The following SLC25A26 variants were observed in gnomAD, a reference collection of about 807,000 sequenced individuals.
SLC25A26 encodes the protein solute carrier family 25 member 26.
In SLC25A26, 36 loss-of-function variants were observed where a neutral mutation model predicts 37.8. That is an observed-to-expected ratio of 0.95 (90% CI 0.73 to 1.26). The LOEUF (loss-of-function observed/expected upper bound fraction) is 1.26. Ranked by LOEUF, SLC25A26 falls within the 50% of genes most tolerant of loss-of-function variation. The pLI is 0.00. For missense variants in SLC25A26, 390 were observed against 331.1 expected (o/e 1.18, Z -1.38); for synonymous variants, 129 against 122.5 (o/e 1.05, Z -0.35).
At chr3:66,155,825 A>C (rs1370197447) in intron 1 of SLC25A26, among the ~76,000 whole-genome samples, 1 of 151,890 alleles carries the variant, frequency 6.6e-6, no homozygotes, top group African/African-American at 2.4e-5. Flanking sequence ...ATCTCCTCAC[A>C]TCCTCTCTGC....
intron 5 of SLC25A26, among the ~76,000 whole-genome samples, chr3:66,265,961 T>C (rs1200183314): frequency 6.6e-6 from 1 of 152,238 alleles, no homozygotes; most frequent in Non-Finnish European, 1.5e-5. Context: ...CGGAGAATAC[T>C]GGTTTTACAT....
At chr3:66,152,668 C>G (rs1161093732) in intron 1 of SLC25A26, among the ~76,000 whole-genome samples, 2 of 147,478 alleles carry the variant, frequency 1.4e-5, no homozygotes, top group East Asian at 4.2e-4. Flanking sequence ...TACAATTTGA[C>G]TAACTTAGGT....
At chr3:66,267,155 A>G (rs151014805) in intron 5 of SLC25A26, among the ~76,000 whole-genome samples, 14 of 152,342 alleles carry the variant, frequency 9.2e-5, no homozygotes, top group Non-Finnish European at 1.6e-4. Flanking sequence ...TGATAAGTAT[A>G]TACAAGATGC....
intron 9 of SLC25A26, chr3:66,371,213 CAGGGATTTTCT>C: frequency 1.3e-6 from 2 of 1,519,342 alleles, no homozygotes; most frequent in African/African-American, 2.8e-5. Flanking sequence ...GACCATATAC[CAGGGATTTTCT>C]TGCAAGAGCA....
intron 1 of SLC25A26, among the ~76,000 whole-genome samples, chr3:66,232,576 AAAC>A (rs1177731103): frequency 2.6e-5 from 4 of 152,232 alleles, no homozygotes; most frequent in East Asian, 1.9e-4. Flanking sequence ...CAGTGCTTGG[AAAC>A]AACAAGATCT....
intron 1 of SLC25A26, among the ~76,000 whole-genome samples, chr3:66,182,741 A>G (rs1164342706): frequency 6.6e-6 from 1 of 150,630 alleles, no homozygotes; most frequent in African/African-American, 2.4e-5. Context: ...GGGTATCAGT[A>G]GAAAAGACCA....
intron 5 of SLC25A26, among the ~76,000 whole-genome samples, chr3:66,282,818 A>C (rs2074390361): frequency 1.3e-5 from 2 of 152,046 alleles, no homozygotes; most frequent in Admixed American, 1.3e-4. Context: ...CATCACCCCA[A>C]AGTCCCTTCT....
chr3:66,198,582 C>G (rs1318302172), intron 1 of SLC25A26, among the ~76,000 whole-genome samples: 2 of 151,814 alleles, frequency 1.3e-5, no homozygotes, highest in Non-Finnish European at 2.9e-5. Flanking sequence ...CACCCACACC[C>G]TCTACATTAC....
chr3:66,191,482 C>T (rs968511223), intron 1 of SLC25A26, among the ~76,000 whole-genome samples: 3,645 of 152,236 alleles, frequency 0.024, 70 homozygotes, highest in East Asian at 0.068. Context: ...CTTATTGTTT[C>T]CTGCAGTAAA....
chr3:66,290,947 G>C (rs952330683), intron 5 of SLC25A26, among the ~76,000 whole-genome samples: 6 of 152,020 alleles, frequency 3.9e-5, no homozygotes, highest in Admixed American at 3.9e-4. Context: ...CTGGTACTGG[G>C]CCTTTTTTGG....
chr3:66,348,814 A>G (rs538879793), intron 6 of SLC25A26, among the ~76,000 whole-genome samples: 31 of 152,128 alleles, frequency 2.0e-4, no homozygotes, highest in South Asian at 2.1e-4. Context: ...ACTGTTTCCT[A>G]TGTGGTGCGT....
intron 6 of SLC25A26, chr3:66,355,983 T>G (rs1184909264): frequency 2.2e-6 from 1 of 455,234 alleles, no homozygotes; most frequent in East Asian, 6.9e-5. Flanking sequence ...ACATACTTAT[T>G]TTACTACATG....
chr3:66,304,384 C>T, intron 5 of SLC25A26: 1 of 454,912 alleles, frequency 2.2e-6, no homozygotes, highest in Non-Finnish European at 4.4e-6. Flanking sequence ...CTAATATCTT[C>T]CCTTTTCTGT....
rs1305602548 is a variant in SLC25A26 at position 66,377,740 on chromosome 3, T to G, written c.758T>G (p.Phe253Cys). 1.9e-6 allele frequency: 3 copies of G among 1,613,824 alleles called. No individual in the cohort carries two copies. Among genetic ancestry groups the G allele is most frequent in the Non-Finnish European group, 2.5e-6 (3 of 1,179,884 alleles). Reference sequence around the variant, plus strand: ...ATGGCAGCCATCAGTCTGGGAGGTTTCATCTTTCTGGGGGCTTATGACCGA... The same window carrying G: ...ATGGCAGCCATCAGTCTGGGAGGTTGCATCTTTCTGGGGGCTTATGACCGA... ...PRMAAISLGG[F>C]IFLGAYDRTH... The change falls in exon 10 of 10, where the codon TTC (phenylalanine) becomes TGC (cysteine). Residue 253 changes from phenylalanine to cysteine, a missense_variant. Phe to Cys is a radical substitution (Grantham distance 205, BLOSUM62 -2). Coordinates refer to ENST00000354883, the MANE Select transcript of SLC25A26 (RefSeq NM_001379210.1).
chr3:66,331,104 T>C (rs2075963767), intron 5 of SLC25A26, among the ~76,000 whole-genome samples: 1 of 152,168 alleles, frequency 6.6e-6, no homozygotes, highest in African/African-American at 2.4e-5. Context: ...TTTATATCTA[T>C]ATATAACTCT....
chr3:66,377,909 G>T lies in SLC25A26; in HGVS notation c.*102G>T. 1 of 872,264 alleles carries T rather than the reference G, an allele frequency of 1.1e-6. No homozygotes were observed. The highest frequency in any genetic ancestry group is 1.5e-5 in the South Asian group (1 of 67,194). The allele number at this position is 872,264 out of a possible 1,614,324, so 54.0% of individuals were successfully genotyped here. On this transcript the variant is annotated 3_prime_UTR_variant, in exon 10 of 10. Transcript: ENST00000354883. ...CTGAACTATAGGCCCCAGTGCTGAA[G>T]ACCAGTTGTGCTAAGATACCGGCAT...
chr3:66,170,323 C>T (rs2070478065), intron 1 of SLC25A26, among the ~76,000 whole-genome samples: 1 of 152,156 alleles, frequency 6.6e-6, no homozygotes, highest in African/African-American at 2.4e-5. Context: ...CTTCTAATGT[C>T]AATCCTGTAG....
chr3:66,173,573 T>C (rs542157580), intron 1 of SLC25A26, among the ~76,000 whole-genome samples: 2 of 152,352 alleles, frequency 1.3e-5, no homozygotes, highest in South Asian at 4.1e-4. Context: ...AATTTTCTGA[T>C]TCTCTTTGAT....
chr3:66,288,332 A>T (rs552528046), intron 5 of SLC25A26, among the ~76,000 whole-genome samples: 5 of 152,168 alleles, frequency 3.3e-5, no homozygotes, highest in East Asian at 3.9e-4. Flanking sequence ...ATTTTTTTTA[A>T]AAAAATTAAA....
Sources: gnomAD v4.1 joint callset for allele counts (sites outside exome capture counted in the v4.1 genomes callset) on GRCh38, gnomAD v4.1.1 for gene constraint, MANE v1.5 for transcripts, NCBI Gene and HGNC (gene_info 2026-07-23, HGNC 2026-07-21) for gene names.